Variants in LRMDA observed in about 807,000 individuals in gnomAD.
LRMDA encodes leucine rich melanocyte differentiation associated.
In LRMDA, 18 loss-of-function variants were observed where a neutral mutation model predicts 29.8. The observed-to-expected ratio is 0.60, with a 90% CI of 0.42 to 0.90. The LOEUF is 0.90. LRMDA is among the 40% of genes least tolerant of loss of function. The pLI is 0.00. For missense variants in LRMDA, 273 were observed against 273.9 expected (o/e 1.00, Z 0.02); for synonymous variants, 125 against 109.4 (o/e 1.14, Z -0.89).
At chr10:76,400,954 C>T (rs1841841410) in intron 6 of LRMDA, among the ~76,000 whole-genome samples, 1 of 152,178 alleles carries the variant, frequency 6.6e-6, no homozygotes, top group South Asian at 2.1e-4. Flanking sequence ...ATATGCTTAC[C>T]TGTTGAGCAT....
chr10:76,514,574 G>A (rs1267894946), intron 6 of LRMDA, among the ~76,000 whole-genome samples: 1 of 152,148 alleles, frequency 6.6e-6, no homozygotes, highest in Non-Finnish European at 1.5e-5. Flanking sequence ...GTTTTTTATT[G>A]TGCTTAGGGA....
At chr10:76,277,844 T>C (rs1451178180) in intron 5 of LRMDA, among the ~76,000 whole-genome samples, 1 of 152,208 alleles carries the variant, frequency 6.6e-6, no homozygotes, top group Non-Finnish European at 1.5e-5. Flanking sequence ...GTGATCTTTA[T>C]TGGAATAGCC....
chr10:75,735,136 A>G (rs1204026685), intron 2 of LRMDA, among the ~76,000 whole-genome samples: 1 of 152,232 alleles, frequency 6.6e-6, no homozygotes, highest in African/African-American at 2.4e-5. Context: ...CAGGCACTCA[A>G]TAAACATTTA....
At chr10:75,712,435 G>GTGGGGGCGGT (rs1404302883) in intron 2 of LRMDA, among the ~76,000 whole-genome samples, 1 of 151,484 alleles carries the variant, frequency 6.6e-6, no homozygotes, top group African/African-American at 2.4e-5. Flanking sequence ...CAGCGGGCGG[G>GTGGGGGCGGT]TGGGGGCGGT....
At chr10:75,875,542 T>C (rs1193099646) in intron 2 of LRMDA, among the ~76,000 whole-genome samples, 2 of 152,182 alleles carry the variant, frequency 1.3e-5, no homozygotes, top group African/African-American at 4.8e-5. Context: ...CAAGCGATTC[T>C]CCTGCCTCAG....
At chr10:76,441,512 A>G (rs1179946929) in intron 6 of LRMDA, among the ~76,000 whole-genome samples, 1 of 152,152 alleles carries the variant, frequency 6.6e-6, no homozygotes, top group Admixed American at 6.5e-5. Context: ...CTAAACCCAA[A>G]CTAAGAACAA....
intron 5 of LRMDA, among the ~76,000 whole-genome samples, chr10:76,131,310 G>A (rs972673930): frequency 1.3e-5 from 2 of 152,138 alleles, no homozygotes; most frequent in African/African-American, 2.4e-5. Flanking sequence ...AGGACTCAAT[G>A]TAAAGCCACT....
At chr10:75,797,136 CTTTAA>C (rs1489664196) in intron 2 of LRMDA, among the ~76,000 whole-genome samples, 15 of 152,082 alleles carry the variant, frequency 9.9e-5, no homozygotes, top group Admixed American at 2.6e-4. Flanking sequence ...ATTATTATAA[CTTTAA>C]TTTAATAAAT....
intron 2 of LRMDA, among the ~76,000 whole-genome samples, chr10:75,877,569 A>G (rs894360409): frequency 5.9e-5 from 9 of 152,260 alleles, no homozygotes; most frequent in African/African-American, 1.9e-4. Context: ...TGAGTAGAAC[A>G]TGAGTGAATG....
intron 5 of LRMDA, among the ~76,000 whole-genome samples, chr10:76,104,369 C>A (rs1849445081): frequency 6.6e-6 from 1 of 152,082 alleles, no homozygotes; most frequent in Non-Finnish European, 1.5e-5. Flanking sequence ...CTCCATTGCC[C>A]TCTGGCTTCT....
At chr10:75,757,806 T>TC (rs1410225296) in intron 2 of LRMDA, among the ~76,000 whole-genome samples, 1 of 151,190 alleles carries the variant, frequency 6.6e-6, no homozygotes, top group African/African-American at 2.4e-5. Flanking sequence ...TTCTTTTTTT[T>TC]TTTTTTTTGT....
At chr10:76,369,682 T>G (rs948107779) in intron 6 of LRMDA, among the ~76,000 whole-genome samples, 3 of 152,174 alleles carry the variant, frequency 2.0e-5, no homozygotes, top group African/African-American at 4.8e-5. Flanking sequence ...GAGAGTTTGC[T>G]TTGATTATTC....
At chr10:76,230,567 A>AC (rs1272457210) in intron 5 of LRMDA, among the ~76,000 whole-genome samples, 2 of 151,550 alleles carry the variant, frequency 1.3e-5, no homozygotes, top group African/African-American at 2.4e-5. Flanking sequence ...AAAAAAAAAA[A>AC]ACCCCAAAAA....
rs572510305 is a variant in LRMDA, at chr10:76,455,671, C to T, written c.602-101538C>T. Among the ~76,000 whole-genome samples the T allele has an allele frequency of 2.1e-4, 32 of 152,326 alleles. No homozygotes were observed. In the South Asian group the frequency reaches 6.4e-3, roughly 31 times the overall value. ...CACTTCTCTGGGAGACAAGGCCTTACACACCGGTTAGCAGCAGATGAAAGC... is the reference window on the plus strand; with the variant it reads ...CACTTCTCTGGGAGACAAGGCCTTATACACCGGTTAGCAGCAGATGAAAGC... On this transcript the variant is annotated intron_variant, in intron 6 of 6. Coordinates refer to ENST00000611255, the MANE Select transcript of LRMDA (RefSeq NM_001305581.2).
At chr10:76,386,055 G>A (rs1325974945) in intron 6 of LRMDA, among the ~76,000 whole-genome samples, 1 of 152,100 alleles carries the variant, frequency 6.6e-6, no homozygotes, top group Non-Finnish European at 1.5e-5. Flanking sequence ...AACTCTAAAA[G>A]GGAGAAATTC....
intron 2 of LRMDA, among the ~76,000 whole-genome samples, chr10:75,542,769 T>A (rs1173193756): frequency 2.0e-5 from 3 of 152,146 alleles, no homozygotes; most frequent in South Asian, 2.1e-4. Context: ...TCATGTCATA[T>A]GGGAGACACA....
intron 6 of LRMDA, among the ~76,000 whole-genome samples, chr10:76,390,394 A>G (rs1284684743): frequency 6.6e-6 from 1 of 152,140 alleles, no homozygotes; most frequent in Non-Finnish European, 1.5e-5. Context: ...AGGAAGTTGC[A>G]CTAAACTAGC....
rs975749850 is a variant in LRMDA, at chr10:75,906,720, G to A, written c.132-129288G>A. Among the ~76,000 whole-genome samples, 7 of 152,204 alleles carry A rather than the reference G, an allele frequency of 4.6e-5. No individual in the cohort carries two copies. The East Asian group carries it at 5.8e-4, about 13-fold the overall frequency. ...AAATACAAATCCATCCACGGAGTGC[G>A]CTCATTACTGGCTGGCCAGGTAAAA... is the stretch of plus-strand genomic sequence containing the variant. On this transcript the variant is annotated intron_variant, in intron 2 of 6. Coordinates refer to ENST00000611255, the MANE Select transcript of LRMDA (RefSeq NM_001305581.2).
chr10:76,324,343 G>C (rs1322567), intron 5 of LRMDA, 58 bp from the exon 6 acceptor site: 110,330 of 1,393,910 alleles, frequency 0.079, 8,371 homozygotes, highest in African/African-American at 0.35. Flanking sequence ...GGTAAATGAG[G>C]GTATTTGGTA....
Sources: allele counts gnomAD v4.1 joint callset (sites outside exome capture counted in the v4.1 genomes callset), GRCh38; gene constraint gnomAD v4.1.1; transcripts MANE v1.5; gene names NCBI Gene and HGNC (gene_info 2026-07-23, HGNC 2026-07-21).